RPH3A: variants seen among roughly 807,000 people sequenced by gnomAD.
RPH3A encodes the protein rabphilin 3A.
RPH3A carries 48 observed loss-of-function variants against 102.2 expected under a neutral mutation model. The ratio of observed to expected loss-of-function variants is 0.47; its 90% confidence interval spans 0.37 to 0.60. RPH3A has a LOEUF of 0.60. RPH3A is among the 20% of genes least tolerant of loss of function. RPH3A has a pLI of 0.00. For synonymous variants in RPH3A, 310 were observed against 324.3 expected (o/e 0.96, Z 0.47); for missense variants, 781 against 910.1 (o/e 0.86, Z 1.83).
At chr12:112,708,356 TCCAGGCGGATGGCGG>T (rs1438415405) in intron 1 of RPH3A, among the ~76,000 whole-genome samples, 1 of 152,172 alleles carries the variant, frequency 6.6e-6, no homozygotes, top group Non-Finnish European at 1.5e-5. Flanking sequence ...CTTTGGGCTG[TCCAGGCGGATGGCGG>T]CATTTGCAAG....
At chr12:112,879,595 C>T (rs753563048) in intron 14 of RPH3A, among the ~76,000 whole-genome samples, 7 of 152,216 alleles carry the variant, frequency 4.6e-5, no homozygotes, top group Non-Finnish European at 7.3e-5. Flanking sequence ...GCCCCTTCTG[C>T]TGAAGCGGCT....
chr12:112,885,199 G>A (rs2042984780), intron 16 of RPH3A, among the ~76,000 whole-genome samples: 1 of 152,206 alleles, frequency 6.6e-6, no homozygotes, highest in Non-Finnish European at 1.5e-5. Flanking sequence ...AGGTGCACAG[G>A]TGCACTTATT....
chr12:112,788,597 G>A (rs1165236638), upstream of RPH3A, among the ~76,000 whole-genome samples: 1 of 152,214 alleles, frequency 6.6e-6, no homozygotes, highest in East Asian at 1.9e-4. Flanking sequence ...TGAAGTGTGG[G>A]GATAATCACT....
chr12:112,861,625 A>G (rs1249809671), intron 5 of RPH3A, among the ~76,000 whole-genome samples: 1 of 152,234 alleles, frequency 6.6e-6, no homozygotes, highest in African/African-American at 2.4e-5. Context: ...TGTAACTGGC[A>G]TAAACCACTT....
At chr12:112,647,077 A>G (rs1376646900) in intron 1 of RPH3A, among the ~76,000 whole-genome samples, 4 of 152,222 alleles carry the variant, frequency 2.6e-5, no homozygotes, top group Admixed American at 2.6e-4. Flanking sequence ...GCCTAGCTGT[A>G]TTACACTTGC....
chr12:112,772,920 G>A (rs1246418774), intron 1 of RPH3A, among the ~76,000 whole-genome samples: 2 of 151,878 alleles, frequency 1.3e-5, no homozygotes, highest in Admixed American at 1.3e-4. Context: ...AAAGTCCATT[G>A]TATCATTCTT....
intron 2 of RPH3A, among the ~76,000 whole-genome samples, chr12:112,823,197 T>C (rs1463405520): frequency 6.6e-6 from 1 of 152,218 alleles, no homozygotes; most frequent in Non-Finnish European, 1.5e-5. Flanking sequence ...ACCAATCCTC[T>C]AGACACTTAT....
intron 1 of RPH3A, among the ~76,000 whole-genome samples, chr12:112,754,291 T>G (rs1247721780): frequency 2.0e-5 from 3 of 152,188 alleles, no homozygotes; most frequent in Non-Finnish European, 4.4e-5. Flanking sequence ...GTGTGTGTGT[T>G]TTTAAACAAC....
At chr12:112,892,894 T>C (rs1268129601) in intron 19 of RPH3A, 1 of 152,222 alleles carries the variant, frequency 6.6e-6, no homozygotes, top group Non-Finnish European at 1.5e-5. Flanking sequence ...CAGATCCATG[T>C]GGGCTGTCTT....
chr12:112,895,627 A>G, intron 20 of RPH3A, 150 bp from the exon 21 acceptor site: 1 of 583,456 alleles, frequency 1.7e-6, no homozygotes, highest in South Asian at 2.1e-5. Context: ...GACCTGGGGC[A>G]GAGGATCGGC....
At chr12:112,809,141 C>A (rs757671290) in intron 2 of RPH3A, among the ~76,000 whole-genome samples, 1 of 152,112 alleles carries the variant, frequency 6.6e-6, no homozygotes, top group Non-Finnish European at 1.5e-5. Flanking sequence ...GTATAATGGA[C>A]CCTAAACCTC....
chr12:112,713,064 C>CTAT (rs2040489107), intron 1 of RPH3A, among the ~76,000 whole-genome samples: 1 of 111,952 alleles, frequency 8.9e-6, no homozygotes, highest in Non-Finnish European at 1.9e-5. Flanking sequence ...TCTTCTTCTT[C>CTAT]TTCTTCTTCT....
chr12:112,699,486 G>C (rs2040377237), intron 1 of RPH3A, among the ~76,000 whole-genome samples: 1 of 152,124 alleles, frequency 6.6e-6, no homozygotes, highest in South Asian at 2.1e-4. Context: ...TGACCACATG[G>C]GCAAATCTCA....
At chr12:112,799,634 T>G (rs112350399) in intron 2 of RPH3A, among the ~76,000 whole-genome samples, 7,233 of 152,226 alleles carry the variant, frequency 0.048, 589 homozygotes, top group African/African-American at 0.17. Flanking sequence ...ACAAAGGCCT[T>G]TCCCTCAGAG....
intron 17 of RPH3A, among the ~76,000 whole-genome samples, chr12:112,889,456 C>T (rs182186311): frequency 6.6e-6 from 1 of 152,358 alleles, no homozygotes; most frequent in Non-Finnish European, 1.5e-5. Flanking sequence ...GCCATTAAAC[C>T]TTAACCCTTG....
At chr12:112,851,068 T>C (rs552572206) in intron 5 of RPH3A, among the ~76,000 whole-genome samples, 10 of 152,316 alleles carry the variant, frequency 6.6e-5, no homozygotes, top group African/African-American at 1.7e-4. Flanking sequence ...GTGAAAGCTA[T>C]CTGGGAGAGT....
intron 2 of RPH3A, among the ~76,000 whole-genome samples, chr12:112,810,666 A>C (rs188395791): frequency 6.6e-6 from 1 of 152,182 alleles, no homozygotes; most frequent in Non-Finnish European, 1.5e-5. Flanking sequence ...ACCCCTAAGT[A>C]TGGTATGTTG....
At position 112,862,012 on chromosome 12, in the gene RPH3A, C is replaced by CA. The variant is rs56918360; in HGVS notation, c.231-3380dup. ...TGGGTGACAGAGCAAGACTCCGTCT[C>CA]AAAAAAAAAAAAAAAAAAAAAAGGA... On this transcript the variant is annotated intron_variant, in intron 5 of 21. Transcript: ENST00000389385. 6.6e-3 allele frequency among the ~76,000 whole-genome samples: 518 copies of CA among 78,116 alleles called. 11 individuals carry two copies. The highest frequency in any genetic ancestry group is 0.016 in the Middle Eastern group (2 of 128). The allele number at this position is 78,116 out of a possible 152,430, so 51.2% of individuals were successfully genotyped here.
At chr12:112,789,072 G>C (rs112191814), upstream of RPH3A, among the ~76,000 whole-genome samples, 493 of 152,260 alleles carry the variant, frequency 3.2e-3, 4 homozygotes, top group African/African-American at 0.011. Context: ...GCATGAGAAC[G>C]TCTTGAATCC....
Sources: allele counts gnomAD v4.1 joint callset (sites outside exome capture counted in the v4.1 genomes callset), GRCh38; gene constraint gnomAD v4.1.1; transcripts MANE v1.5; gene names NCBI Gene and HGNC (gene_info 2026-07-23, HGNC 2026-07-21).